Variants in RTL4 observed in about 807,000 individuals in gnomAD.
RTL4 encodes the protein retrotransposon Gag-like protein 4.
In RTL4, 4 loss-of-function variants were observed where a neutral mutation model predicts 5.3. That is an observed-to-expected ratio of 0.75 (90% CI 0.37 to 1.72). The LOEUF is 1.72. RTL4 is among the 40% of genes most tolerant of loss of function. RTL4 has a pLI of 0.04. For missense variants in RTL4, 260 were observed against 227.1 expected, an observed-to-expected ratio of 1.14 and a Z score of -0.93; for synonymous variants, 98 against 87.3, an observed-to-expected ratio of 1.12 and a Z score of -0.68.
the RTL4 span, among the ~76,000 whole-genome samples, chrX:112,296,668 G>A: frequency 3.9e-5 from 4 of 103,466 alleles, no homozygotes. Flanking sequence ...GGAGTGCAGT[G>A]GCACAATCTC....
chrX:112,255,892 A>G, the RTL4 span, among the ~76,000 whole-genome samples: 2 of 111,875 alleles, frequency 1.8e-5, no homozygotes, highest in African/African-American at 6.5e-5. Flanking sequence ...AAATGACCGT[A>G]ATACTCTAGG....
At chrX:112,120,338 GCT>G in the RTL4 span, among the ~76,000 whole-genome samples, 21 of 112,009 alleles carry the variant, frequency 1.9e-4, no homozygotes, top group Non-Finnish European at 3.6e-4. Context: ...GTGCAGTGGC[GCT>G]ATCTCAGCTC....
At chrX:112,297,750 C>T in the RTL4 span, among the ~76,000 whole-genome samples, 678 of 111,538 alleles carry the variant, frequency 6.1e-3, 3 homozygotes, top group African/African-American at 0.021. Context: ...GGCTCTCAAC[C>T]GCTTTCTTAA....
the RTL4 span, among the ~76,000 whole-genome samples, chrX:112,213,130 C>A: frequency 8.9e-6 from 1 of 112,526 alleles, no homozygotes; most frequent in Non-Finnish European, 1.9e-5. Context: ...AATCATGAGT[C>A]GCAGCAATGG....
At chrX:112,272,578 T>C in the RTL4 span, among the ~76,000 whole-genome samples, 7 of 111,941 alleles carry the variant, frequency 6.3e-5, no homozygotes, top group African/African-American at 2.3e-4. Flanking sequence ...TCTGAACATA[T>C]TCACTTCAAG....
At chrX:112,203,599 T>C in the RTL4 span, among the ~76,000 whole-genome samples, 1 of 111,172 alleles carries the variant, frequency 9.0e-6, no homozygotes, top group South Asian at 3.8e-4. Flanking sequence ...TTCTGTTCCA[T>C]TGATCTATGT....
chrX:112,428,151 T>C, the RTL4 span, among the ~76,000 whole-genome samples: 1 of 111,691 alleles, frequency 9.0e-6, no homozygotes, highest in Non-Finnish European at 1.9e-5. Flanking sequence ...ATATACCACA[T>C]TTTCTTTATC....
At chrX:112,142,309 T>A in the RTL4 span, among the ~76,000 whole-genome samples, 2 of 112,453 alleles carry the variant, frequency 1.8e-5, no homozygotes, top group Admixed American at 1.9e-4. Flanking sequence ...CAGATTCCTG[T>A]CCTCAGTGTG....
chrX:112,448,043 C>CA, the RTL4 span, among the ~76,000 whole-genome samples: 2 of 110,808 alleles, frequency 1.8e-5, no homozygotes, highest in African/African-American at 3.3e-5. Flanking sequence ...CCTGGAAATC[C>CA]AAAAAAAAGT....
chrX:112,163,190 G>A, the RTL4 span, among the ~76,000 whole-genome samples: 2 of 111,824 alleles, frequency 1.8e-5, no homozygotes, highest in African/African-American at 6.5e-5. Context: ...GCCCAAGTGT[G>A]TAGAATTCAG....
At chrX:112,169,483 A>C in the RTL4 span, among the ~76,000 whole-genome samples, 2 of 111,174 alleles carry the variant, frequency 1.8e-5, no homozygotes, top group Non-Finnish European at 3.8e-5. Flanking sequence ...CTTTCTGATA[A>C]AACTGCCATG....
the RTL4 span, among the ~76,000 whole-genome samples, chrX:112,174,054 C>CTT: frequency 1.2e-5 from 1 of 81,579 alleles, no homozygotes; most frequent in Admixed American, 1.3e-4. Context: ...ATTTTCGTTT[C>CTT]TTTTTTTTTT....
the RTL4 span, among the ~76,000 whole-genome samples, chrX:112,155,353 G>T: frequency 1.8e-5 from 2 of 110,937 alleles, no homozygotes; most frequent in Admixed American, 1.9e-4. Flanking sequence ...TTAGGCAATT[G>T]CAATATTAAA....
At chrX:112,354,198 C>T in the RTL4 span, among the ~76,000 whole-genome samples, 39 of 111,237 alleles carry the variant, frequency 3.5e-4, no homozygotes, top group East Asian at 1.7e-3. Flanking sequence ...AGGGAGGTAG[C>T]GCAGCATTAT....
the RTL4 span, among the ~76,000 whole-genome samples, chrX:112,162,849 T>C: frequency 9.0e-6 from 1 of 111,261 alleles, no homozygotes; most frequent in South Asian, 3.8e-4. Context: ...AGGCGGGTAG[T>C]CTTGTCTTGA....
the RTL4 span, among the ~76,000 whole-genome samples, chrX:112,408,159 G>A: frequency 9.0e-6 from 1 of 110,931 alleles, no homozygotes; most frequent in Non-Finnish European, 1.9e-5. Context: ...ACTAAATAAG[G>A]CACCAAGGAC....
chrX:112,147,048 A>T, the RTL4 span, among the ~76,000 whole-genome samples: 1 of 108,103 alleles, frequency 9.3e-6, no homozygotes, highest in Non-Finnish European at 1.9e-5. Flanking sequence ...AGGCTCGCAG[A>T]TGTACAGTCC....
chrX:112,119,003 C>T, the RTL4 span, among the ~76,000 whole-genome samples: 1 of 104,600 alleles, frequency 9.6e-6, no homozygotes, highest in Non-Finnish European at 1.9e-5. Context: ...GCCACCACAC[C>T]CAGCTAATTT....
At chrX:112,189,836 A>G in the RTL4 span, among the ~76,000 whole-genome samples, 1 of 111,930 alleles carries the variant, frequency 8.9e-6, no homozygotes, top group African/African-American at 3.2e-5. Flanking sequence ...AAGTCTTTTA[A>G]TGAGATTGAT....
Sources: gnomAD v4.1 joint callset for allele counts (sites outside exome capture counted in the v4.1 genomes callset) on GRCh38, gnomAD v4.1.1 for gene constraint, MANE v1.5 for transcripts, NCBI Gene and HGNC (gene_info 2026-07-23, HGNC 2026-07-21) for gene names.